Variants in DMD observed in about 807,000 individuals in gnomAD.
DMD encodes the protein mutant dystrophin.
DMD carries 63 observed loss-of-function variants against 330.1 expected under a neutral mutation model. The observed-to-expected ratio is 0.19, with a 90% CI of 0.16 to 0.24. The LOEUF (loss-of-function observed/expected upper bound fraction) is 0.24, where lower values mean the gene tolerates loss of function less well. Ranked by LOEUF, DMD falls within the 10% of genes least tolerant of loss-of-function variation. The pLI is 1.00. For missense variants in DMD, 3,344 were observed against 2,684.1 expected (o/e 1.25, Z -5.43); for synonymous variants, 1,223 against 959.8 (o/e 1.27, Z -5.07).
intron 43 of DMD, among the ~76,000 whole-genome samples, chrX:32,231,319 G>C (rs1317523917): frequency 1.8e-5 from 2 of 112,197 alleles, no homozygotes; most frequent in Admixed American, 9.5e-5. Flanking sequence ...CTTCCCAAAA[G>C]TATGGTGAGA....
chrX:32,480,500 T>C (rs748780328), intron 21 of DMD, among the ~76,000 whole-genome samples: 4 of 110,793 alleles, frequency 3.6e-5, no homozygotes, highest in African/African-American at 9.9e-5. Context: ...TACGTGTTTA[T>C]ATACACAGAA....
At chrX:32,673,379 C>T (rs1255234519) in intron 9 of DMD, among the ~76,000 whole-genome samples, 3 of 110,916 alleles carry the variant, frequency 2.7e-5, no homozygotes, top group Non-Finnish European at 5.7e-5. Flanking sequence ...ACCTACTGGC[C>T]TCTTTAAACC....
chrX:32,742,191 C>T (rs2069371172), intron 7 of DMD, among the ~76,000 whole-genome samples: 1 of 111,941 alleles, frequency 8.9e-6, no homozygotes, highest in South Asian at 3.7e-4. Flanking sequence ...ATTGTCACTG[C>T]ATCTTCTGGC....
chrX:32,476,004 G>C (rs1269159342), intron 21 of DMD, among the ~76,000 whole-genome samples: 2 of 110,986 alleles, frequency 1.8e-5, no homozygotes, highest in African/African-American at 6.5e-5. Flanking sequence ...CTTATAAATA[G>C]CAGTGAAGTA....
At chrX:33,190,249 C>T (rs949329785) in intron 1 of DMD, among the ~76,000 whole-genome samples, 9 of 106,932 alleles carry the variant, frequency 8.4e-5, no homozygotes, top group African/African-American at 1.3e-4. Context: ...ATGATAACTG[C>T]CCCCCATCTA....
intron 45 of DMD, among the ~76,000 whole-genome samples, chrX:31,934,525 A>T (rs777876523): frequency 9.0e-6 from 1 of 111,643 alleles, no homozygotes; most frequent in South Asian, 3.7e-4. Context: ...GGTACGTGAG[A>T]TATTTTGATA....
At chrX:32,922,606 C>A (rs987887108) in intron 2 of DMD, among the ~76,000 whole-genome samples, 23 of 112,240 alleles carry the variant, frequency 2.0e-4, no homozygotes, top group Admixed American at 6.6e-4. Context: ...ATGCGCAGGT[C>A]ACAATAGGGT....
chrX:31,870,390 T>C (rs1375420984), intron 48 of DMD, among the ~76,000 whole-genome samples: 2 of 111,973 alleles, frequency 1.8e-5, no homozygotes, highest in African/African-American at 6.5e-5. Flanking sequence ...CCCAATCTGC[T>C]AGTCTTCTGT....
At chrX:32,057,425 T>C (rs535015715) in intron 44 of DMD, among the ~76,000 whole-genome samples, 4 of 110,346 alleles carry the variant, frequency 3.6e-5, no homozygotes, top group African/African-American at 1.3e-4. Flanking sequence ...TTCAGCAAAG[T>C]TGCAGGATAC....
chrX:31,376,050 C>T (rs775397393), intron 60 of DMD, among the ~76,000 whole-genome samples: 1 of 111,455 alleles, frequency 9.0e-6, no homozygotes, highest in Non-Finnish European at 1.9e-5. Flanking sequence ...ATTACGTCTC[C>T]GTAATCTGAT....
chrX:33,110,318 A>G (rs1434094218), intron 1 of DMD, among the ~76,000 whole-genome samples: 1 of 111,634 alleles, frequency 9.0e-6, no homozygotes, highest in Admixed American at 9.7e-5. Flanking sequence ...CATCTGGTGA[A>G]GCATATGGAA....
chrX:31,941,338 C>A (rs903654419), intron 45 of DMD, among the ~76,000 whole-genome samples: 2 of 111,737 alleles, frequency 1.8e-5, no homozygotes, highest in African/African-American at 6.5e-5. Flanking sequence ...CCTGCCTAAA[C>A]GTGCTCCTCT....
At chrX:31,894,702 A>G (rs778878495) in intron 47 of DMD, among the ~76,000 whole-genome samples, 8 of 112,160 alleles carry the variant, frequency 7.1e-5, no homozygotes, top group Non-Finnish European at 1.1e-4. Context: ...TGTCCATTAG[A>G]GCATCTCTAT....
intron 59 of DMD, among the ~76,000 whole-genome samples, chrX:31,460,322 C>G: frequency 9.0e-6 from 1 of 111,376 alleles, no homozygotes; most frequent in Admixed American, 9.6e-5. Flanking sequence ...GAACACAGAG[C>G]CTCAAGGGGT....
intron 43 of DMD, among the ~76,000 whole-genome samples, chrX:32,254,217 T>C (rs2148215156): frequency 9.0e-6 from 1 of 111,428 alleles, no homozygotes; most frequent in South Asian, 3.8e-4. Flanking sequence ...AATTTTTGTA[T>C]TTTTAGCAGA....
chrX:31,831,814 G>A (rs2053191934), intron 49 of DMD, among the ~76,000 whole-genome samples: 1 of 111,957 alleles, frequency 8.9e-6, no homozygotes, highest in Non-Finnish European at 1.9e-5. Context: ...ATGTTAGCCA[G>A]GATGGTCTCG....
intron 34 of DMD, among the ~76,000 whole-genome samples, chrX:32,367,548 T>C (rs2097858721): frequency 8.9e-6 from 1 of 112,259 alleles, no homozygotes; most frequent in Non-Finnish European, 1.9e-5. Flanking sequence ...GTTTCTTACA[T>C]GACAAGCAAT....
At chrX:32,649,947 G>C (rs898076025) in intron 9 of DMD, among the ~76,000 whole-genome samples, 5 of 111,417 alleles carry the variant, frequency 4.5e-5, no homozygotes, top group African/African-American at 1.6e-4. Context: ...GCACATTCTA[G>C]ATCCCAAGAA....
intron 5 of DMD, among the ~76,000 whole-genome samples, chrX:32,821,958 T>C (rs2078297092): frequency 9.0e-6 from 1 of 111,555 alleles, no homozygotes; most frequent in Non-Finnish European, 1.9e-5. Context: ...TCAAAATAGT[T>C]TGAGAGGCTA....
Sources: allele counts gnomAD v4.1 joint callset (sites outside exome capture counted in the v4.1 genomes callset), GRCh38; gene constraint gnomAD v4.1.1; transcripts MANE v1.5; gene names NCBI Gene and HGNC (gene_info 2026-07-23, HGNC 2026-07-21).